CDH13: variants seen among roughly 807,000 people sequenced by gnomAD.
CDH13 encodes the protein cadherin-13.
In CDH13, 24 loss-of-function variants were observed where a neutral mutation model predicts 63.8. The observed-to-expected ratio is 0.38, with a 90% CI of 0.27 to 0.53. CDH13 has a LOEUF of 0.53. Ranked by LOEUF, CDH13 falls within the 20% of genes least tolerant of loss-of-function variation. CDH13 has a pLI of 0.85. For missense variants in CDH13, 1,049 were observed against 903.1 expected (o/e 1.16, Z -2.07); for synonymous variants, 503 against 355.3 (o/e 1.42, Z -4.67).
chr16:83,075,813 C>G (rs1166542125), intron 3 of CDH13, among the ~76,000 whole-genome samples: 3 of 152,172 alleles, frequency 2.0e-5, no homozygotes, highest in Non-Finnish European at 4.4e-5. Context: ...CATGAGTTAG[C>G]TCTGCAAATG....
At chr16:83,573,975 G>A (rs767660182) in intron 7 of CDH13, among the ~76,000 whole-genome samples, 2 of 152,100 alleles carry the variant, frequency 1.3e-5, no homozygotes, top group Non-Finnish European at 2.9e-5. Flanking sequence ...GGGATTTAAA[G>A]AGGAGATGAG....
At chr16:83,273,666 A>G (rs1341077113) in intron 5 of CDH13, among the ~76,000 whole-genome samples, 1 of 152,238 alleles carries the variant, frequency 6.6e-6, no homozygotes, top group Non-Finnish European at 1.5e-5. Context: ...AAAGGGGTAC[A>G]TAAAAGTGAA....
intron 1 of CDH13, among the ~76,000 whole-genome samples, chr16:82,638,714 G>T (rs1908995770): frequency 6.8e-6 from 1 of 146,812 alleles, no homozygotes; most frequent in African/African-American, 2.5e-5. Context: ...CCCCAAGATT[G>T]TTCCCCTCGG....
chr16:83,473,008 G>C (rs1285602167), intron 6 of CDH13, among the ~76,000 whole-genome samples: 10 of 152,150 alleles, frequency 6.6e-5, no homozygotes, highest in African/African-American at 2.2e-4. Context: ...AGTTCCATGG[G>C]GGCACAGGTG....
At chr16:83,212,123 C>T (rs2039355717) in intron 4 of CDH13, among the ~76,000 whole-genome samples, 1 of 152,166 alleles carries the variant, frequency 6.6e-6, no homozygotes, top group South Asian at 2.1e-4. Context: ...GCTGCAGGCT[C>T]AGCTGCTGCA....
At chr16:82,908,430 C>G (rs1192276655) in intron 2 of CDH13, among the ~76,000 whole-genome samples, 1 of 152,128 alleles carries the variant, frequency 6.6e-6, no homozygotes, top group African/African-American at 2.4e-5. Context: ...TCTCAGTTAC[C>G]TTTGTACAAT....
chr16:83,073,219 C>G (rs1024628071), intron 3 of CDH13, among the ~76,000 whole-genome samples: 2 of 151,936 alleles, frequency 1.3e-5, no homozygotes, highest in African/African-American at 4.8e-5. Context: ...TCGTCTGGTT[C>G]CAGAGCTTGC....
At chr16:82,971,900 C>T (rs1377072672) in intron 2 of CDH13, among the ~76,000 whole-genome samples, 18 of 152,278 alleles carry the variant, frequency 1.2e-4, no homozygotes, top group Admixed American at 1.1e-3. Context: ...CCCTTGTTTG[C>T]AGCGATTACT....
chr16:82,932,557 A>G (rs1376755503), intron 2 of CDH13, among the ~76,000 whole-genome samples: 1 of 152,212 alleles, frequency 6.6e-6, no homozygotes, highest in East Asian at 1.9e-4. Context: ...TAGAGTGGAA[A>G]CTATGATCTA....
In CDH13 at chr16:82,804,192, C is replaced by A. The variant is rs1241694564; in HGVS notation, c.46-54170C>A. Among the ~76,000 whole-genome samples, 2 of 151,678 alleles carry A rather than the reference C, an allele frequency of 1.3e-5. 1 individual carries two copies. The highest frequency in any genetic ancestry group is 1.3e-4 in the Admixed American group (2 of 15,238). On this transcript the variant is annotated intron_variant, in intron 1 of 13. Transcript: ENST00000567109. Reference sequence around the variant, plus strand: ...GCAGTGAGCTGAGATCACGCTACTGCACTCCAGCCTGGTGACAGAGTGAGA... The same window carrying A: ...GCAGTGAGCTGAGATCACGCTACTGAACTCCAGCCTGGTGACAGAGTGAGA...
intron 1 of CDH13, chr16:82,637,784 G>A (rs1210260091): frequency 6.6e-6 from 1 of 152,230 alleles, no homozygotes; most frequent in South Asian, 2.1e-4. Flanking sequence ...TTAAGGAACT[G>A]ACCCAAGATC....
At chr16:83,253,890 A>C (rs1905894014) in intron 5 of CDH13, among the ~76,000 whole-genome samples, 2 of 152,254 alleles carry the variant, frequency 1.3e-5, no homozygotes, top group East Asian at 3.8e-4. Flanking sequence ...ACACATGAAC[A>C]GACACACAAA....
At chr16:82,919,987 T>C (rs539462539) in intron 2 of CDH13, among the ~76,000 whole-genome samples, 4 of 152,310 alleles carry the variant, frequency 2.6e-5, no homozygotes, top group South Asian at 2.1e-4. Context: ...AAGAGTAATA[T>C]CGAGATCAAA....
intron 1 of CDH13, among the ~76,000 whole-genome samples, chr16:82,846,404 A>C (rs2039258751): frequency 6.6e-6 from 1 of 152,146 alleles, no homozygotes; most frequent in Non-Finnish European, 1.5e-5. Context: ...ACTAGCACAT[A>C]ACACCTACTG....
At chr16:82,884,259 CTGCAGG>C in intron 2 of CDH13, 1 of 453,596 alleles carries the variant, frequency 2.2e-6, no homozygotes. Flanking sequence ...AGAAGGAAAT[CTGCAGG>C]TATAAGATGG....
chr16:83,646,226 C>G (rs1911779041), intron 8 of CDH13, among the ~76,000 whole-genome samples: 1 of 152,218 alleles, frequency 6.6e-6, no homozygotes, highest in Non-Finnish European at 1.5e-5. Context: ...GCTTGTACTT[C>G]TCTGTGCCTC....
intron 10 of CDH13, among the ~76,000 whole-genome samples, chr16:83,706,132 A>G (rs1349848012): frequency 6.6e-6 from 1 of 152,158 alleles, no homozygotes; most frequent in Admixed American, 6.5e-5. Context: ...TGTCATCTGA[A>G]TGCTTATTCA....
chr16:83,049,747 A>AT (rs2030079069), intron 3 of CDH13, among the ~76,000 whole-genome samples: 1 of 152,166 alleles, frequency 6.6e-6, no homozygotes, highest in Non-Finnish European at 1.5e-5. Context: ...TTGTTTACCC[A>AT]TTCATCTGTT....
chr16:83,612,944 C>G (rs1908983073), intron 8 of CDH13, among the ~76,000 whole-genome samples: 1 of 152,124 alleles, frequency 6.6e-6, no homozygotes, highest in Non-Finnish European at 1.5e-5. Flanking sequence ...ATTTTCCCCT[C>G]TGATTAAAAA....
Sources: gnomAD v4.1 joint callset for allele counts (sites outside exome capture counted in the v4.1 genomes callset) on GRCh38, gnomAD v4.1.1 for gene constraint, MANE v1.5 for transcripts, NCBI Gene and HGNC (gene_info 2026-07-23, HGNC 2026-07-21) for gene names.